Variants in SLC4A2 observed in about 807,000 individuals in gnomAD.
SLC4A2 encodes anion exchange protein 2.
Under a neutral mutation model 115.0 loss-of-function variants are expected in SLC4A2, and 36 were observed. That is an observed-to-expected ratio of 0.31 (90% CI 0.24 to 0.41). The LOEUF (loss-of-function observed/expected upper bound fraction) is 0.41. SLC4A2 is among the 10% of genes least tolerant of loss of function. The probability of loss-of-function intolerance (pLI) is 1.00; values close to 1 mark genes in which losing one functional copy is unlikely to be tolerated. For missense variants in SLC4A2, 1,252 were observed against 1,705.6 expected (o/e 0.73, Z 4.68); for synonymous variants, 708 against 708.3 (o/e 1.00, Z 0.01).
At chr7:151,074,577 C>G in intron 18 of SLC4A2, 89 bp downstream of exon 18, 1 of 1,586,302 alleles carries the variant, frequency 6.3e-7, no homozygotes, top group Non-Finnish European at 8.6e-7. Flanking sequence ...CCAGCCTGTC[C>G]TTAAGCTTAA....
chr7:151,059,284 G>A (rs1405264227), upstream of SLC4A2: 3 of 152,210 alleles, frequency 2.0e-5, no homozygotes, highest in Non-Finnish European at 2.9e-5. The surrounding 1 kb of genome is among the most constrained non-coding windows in gnomAD (Gnocchi z 5.8). Context: ...GTTATTGAGG[G>A]GGGCAAGAGA....
In SLC4A2 at chr7:151,064,967, G is replaced by A. The variant is rs1397196721; in HGVS notation, c.578+1G>A. ...GGGCCTCCAAAGGGGCCCAGGCTGG[G>A]TAAGTACACCCCAATCAACAGTGTC... On this transcript the variant is annotated splice_donor_variant, in intron 5 of 22. Coordinates refer to ENST00000413384, the MANE Select transcript of SLC4A2 (RefSeq NM_003040.4). LOFTEE classifies it high-confidence loss of function. 1 of 1,592,696 alleles carries A rather than the reference G, an allele frequency of 6.3e-7. No homozygotes were observed. The highest frequency in any genetic ancestry group is 8.6e-7 in the Non-Finnish European group (1 of 1,160,806).
In SLC4A2 at chr7:151,074,413, T is replaced by A; in HGVS notation, c.2805T>A (p.Ile935=). Residue 935 remains isoleucine (I), a synonymous_variant, in exon 18 of 23, where the codon ATT becomes ATA. Transcript: ENST00000413384. The stretch of plus-strand genomic sequence containing the variant: ...TGCCCACTCAGATCCGGCGGGTGAT[T>A]GGGGACTTTGGGGTGCCCATCGCCA... ...RFFPGRIRRV[I]GDFGVPIAIL... 1.2e-6 allele frequency: 2 copies of A among 1,613,910 alleles called. No individual in the cohort carries two copies. Among genetic ancestry groups the A allele is most frequent in the Non-Finnish European group, 1.7e-6 (2 of 1,180,016 alleles).
chr7:151,075,989 G>T, intron 21 of SLC4A2, 24 bp from the exon 22 acceptor site: 1 of 1,563,500 alleles, frequency 6.4e-7, no homozygotes, highest in Non-Finnish European at 8.7e-7. Context: ...GAGGAAGCTG[G>T]GCTCACCTGT....
chr7:151,062,445 A>T, intron 2 of SLC4A2: 1 of 978,326 alleles, frequency 1.0e-6, no homozygotes, highest in Non-Finnish European at 1.4e-6. Context: ...CGTGCCACCC[A>T]GGCCCGCCCC....
At chr7:151,074,636 C>G (rs1412212236) in intron 18 of SLC4A2, 39 bp from the exon 19 acceptor site, 1 of 1,576,744 alleles carries the variant, frequency 6.3e-7, no homozygotes, top group South Asian at 1.2e-5. Context: ...CCTCCACATT[C>G]ACCTTAACCC....
intron 19 of SLC4A2, chr7:151,075,053 G>A: frequency 1.1e-6 from 1 of 904,164 alleles, no homozygotes; most frequent in South Asian, 1.5e-5. Flanking sequence ...CACCCTGGCA[G>A]TGCTAGCTGG....
chr7:151,065,138 C>T (rs141548015), intron 5 of SLC4A2, among the ~76,000 whole-genome samples, 172 bp downstream of exon 5: 1 of 152,348 alleles, frequency 6.6e-6, no homozygotes, highest in East Asian at 1.9e-4. Flanking sequence ...GCCCCAGGTT[C>T]CTCATCAGAA....
Position 151,074,462 on chromosome 7 carries a change from T to G in SLC4A2, c.2854T>G (p.Tyr952Asp). The G allele has an allele frequency of 6.2e-7, 1 of 1,614,054 alleles. No individual in the cohort carries two copies. Among genetic ancestry groups the G allele is most frequent in the Non-Finnish European group, 8.5e-7 (1 of 1,180,022 alleles). ...CATCCTCATCATGGTGCTTGTGGAT[T>G]ACAGTATTGAGGACACCTATACCCA... ...IAILIMVLVD[Y>D]SIEDTYTQKL... is the part of the protein sequence containing the mutation. Residue 952 changes from tyrosine (Y) to aspartate (D), a missense_variant, in exon 18 of 23, where the codon TAC (tyrosine) becomes GAC (aspartate). This residue lies in a region of SLC4A2 where 253 missense variants were observed against 407.4 expected (regional missense o/e 0.62). Transcript: ENST00000413384.
chr7:151,074,803 G>A lies in SLC4A2; in HGVS notation c.3009G>A (p.Leu1003=), dbSNP rs1478758251. 1 of 1,613,208 alleles carries A rather than the reference G, an allele frequency of 6.2e-7. No individual in the cohort carries two copies. The highest frequency in any genetic ancestry group is 1.7e-5 in the Admixed American group (1 of 59,856). The part of the protein sequence containing the change: ...MMVASLLPAI[L]VFILIFMETQ... ...TTGCCAGCCTGCTGCCCGCCATCCT[G>A]GTCTTCATTCTCATCTTCATGGAGA... Residue 1003 remains leucine (L), a synonymous_variant, in exon 19 of 23, where the codon CTG becomes CTA. Coordinates refer to ENST00000413384, the MANE Select transcript of SLC4A2 (RefSeq NM_003040.4).
chr7:151,072,040 C>T lies in SLC4A2; in HGVS notation c.2439C>T (p.Ser813=), dbSNP rs1314128010. Residue 813 remains serine, a synonymous_variant, in exon 16 of 23, where the codon AGC becomes AGT. Coordinates refer to ENST00000413384, the MANE Select transcript of SLC4A2 (RefSeq NM_003040.4). ...LALLMVALEG[S]FLVRFVSRFT... is the part of the protein sequence containing the mutation. ...TGCTCATGGTGGCCCTGGAGGGGAG[C>T]TTCCTGGTCCGCTTCGTCTCCCGCT... The T allele has an allele frequency of 6.2e-7, 1 of 1,614,002 alleles. No homozygotes were observed. The highest frequency in any genetic ancestry group is 1.3e-5 in the African/African-American group (1 of 74,902).
Position 151,074,809 on chromosome 7 carries a change from C to G in SLC4A2, c.3015C>G (p.Phe1005Leu). 2.5e-6 allele frequency: 4 copies of G among 1,612,836 alleles called. No homozygotes were observed. Among genetic ancestry groups the G allele is most frequent in the Non-Finnish European group, 2.5e-6 (3 of 1,179,578 alleles). ...VASLLPAILV[F>L]ILIFMETQIT... ...GCCTGCTGCCCGCCATCCTGGTCTT[C>G]ATTCTCATCTTCATGGAGACACAGA... The change falls in exon 19 of 23, where the codon TTC becomes TTG. Residue 1005 changes from phenylalanine to leucine, a missense_variant. Around this residue, in one of 14 missense-constraint regions of SLC4A2, gnomAD observed 253 missense variants for 407.4 expected, o/e 0.62. Coordinates refer to ENST00000413384, the MANE Select transcript of SLC4A2 (RefSeq NM_003040.4).
At chr7:151,074,015 G>C in intron 16 of SLC4A2, 24 bp from the exon 17 acceptor site, 1 of 1,537,738 alleles carries the variant, frequency 6.5e-7, no homozygotes, top group Non-Finnish European at 8.8e-7. Flanking sequence ...AGCTGATGGA[G>C]GCCGTGTGGC....
At chr7:151,063,256 C>T in intron 2 of SLC4A2, 2 of 577,848 alleles carry the variant, frequency 3.5e-6, no homozygotes, top group Non-Finnish European at 2.4e-6. Flanking sequence ...GGCCGGGGGC[C>T]TGGGGGCTGG....
At chr7:151,072,662 T>C (rs1346547422) in intron 16 of SLC4A2, among the ~76,000 whole-genome samples, 2 of 151,340 alleles carry the variant, frequency 1.3e-5, no homozygotes, top group Non-Finnish European at 2.9e-5. Context: ...TTATTTCTTT[T>C]TTTTTTTTTT....
chr7:151,062,132 CGTGTGTG>C, intron 2 of SLC4A2, 94 bp downstream of exon 2: 3 of 999,976 alleles, frequency 3.0e-6, no homozygotes, highest in South Asian at 1.4e-5. Flanking sequence ...GGGGTGTGAG[CGTGTGTG>C]AGTGTGGAGA....
intron 18 of SLC4A2, 67 bp from the exon 19 acceptor site, chr7:151,074,608 C>T: frequency 6.4e-7 from 1 of 1,564,878 alleles, no homozygotes. Context: ...AAGATGCCAT[C>T]CCCTTTCCAT....
chr7:151,071,031 T>C lies in SLC4A2; in HGVS notation c.1750-41T>C. 1 of 1,603,908 alleles carries C rather than the reference T, an allele frequency of 6.2e-7. No individual in the cohort carries two copies. Among genetic ancestry groups the C allele is most frequent in the South Asian group, 1.1e-5 (1 of 90,626 alleles). ...ACCCTCAGCTCCAGGCCCTCAGCCC[T>C]CTTCTTTGTGCTCTCCCCCATCCCC... On this transcript the variant is annotated intron_variant, in intron 12 of 22. Transcript: ENST00000413384. The surrounding 1 kb of genome is among the most constrained non-coding windows in gnomAD (Gnocchi z 5.5).
At position 151,072,100 on chromosome 7, in the gene SLC4A2, C is replaced by T; in HGVS notation, c.2499C>T (p.Leu833=). ...TQEIFAFLIS[L]IFIYETFYKL... ...AGATCTTCGCCTTCTTGATCTCACT[C>T]ATCTTCATCTATGAGACCTTCTACA... The change falls in exon 16 of 23, where the codon CTC becomes CTT. Residue 833 remains leucine (L), a synonymous_variant. Coordinates refer to ENST00000413384, the MANE Select transcript of SLC4A2 (RefSeq NM_003040.4). The T allele has an allele frequency of 6.2e-7, 1 of 1,614,128 alleles. No individual in the cohort carries two copies. Among genetic ancestry groups the T allele is most frequent in the Non-Finnish European group, 8.5e-7 (1 of 1,180,014 alleles).
Sources: allele counts gnomAD v4.1 joint callset (sites outside exome capture counted in the v4.1 genomes callset), GRCh38; gene constraint gnomAD v4.1.1; regional missense constraint gnomAD v4.1.1; non-coding constraint Gnocchi (gnomAD v3.1); transcripts MANE v1.5; gene names NCBI Gene and HGNC (gene_info 2026-07-23, HGNC 2026-07-21).